Variants in FBN1 observed in about 807,000 individuals in gnomAD.
FBN1 encodes the protein fibrillin 1, also known as fibrillin-1.
A neutral mutation model predicts 365.1 loss-of-function variants in FBN1; 29 were observed. The ratio of observed to expected loss-of-function variants is 0.08; its 90% CI spans 0.06 to 0.11. The LOEUF (loss-of-function observed/expected upper bound fraction) is 0.11. FBN1 is among the 10% of genes least tolerant of loss of function. The pLI is 1.00. For synonymous variants in FBN1, 1,210 were observed against 1,270.5 expected, an observed-to-expected ratio of 0.95 and a Z score of 1.01; for missense variants, 2,476 against 3,703.2, an observed-to-expected ratio of 0.67 and a Z score of 8.60.
At chr15:48,584,083 G>T (rs748775208) in intron 6 of FBN1, among the ~76,000 whole-genome samples, 2 of 152,156 alleles carry the variant, frequency 1.3e-5, no homozygotes, top group African/African-American at 4.8e-5. Flanking sequence ...AATGATACTT[G>T]TCAACCAAGA....
intron 57 of FBN1, 48 bp from the exon 58 acceptor site, chr15:48,427,821 GCAAA>G: frequency 6.4e-7 from 1 of 1,559,000 alleles, no homozygotes; most frequent in East Asian, 2.3e-5. Context: ...AATTTTAAGA[GCAAA>G]CAAAATATTA....
At chr15:48,491,337 CTTTTTCTTTTTCTTTTCTT>C in intron 24 of FBN1, among the ~76,000 whole-genome samples, 1 of 151,210 alleles carries the variant, frequency 6.6e-6, no homozygotes, top group South Asian at 2.1e-4. Flanking sequence ...ATACCACTTT[CTTTTTCTTTTTCTTTTCTT>C]TTTTTTTTTT....
intron 63 of FBN1, among the ~76,000 whole-genome samples, chr15:48,418,128 A>C (rs1427337287): frequency 1.3e-5 from 2 of 152,236 alleles, no homozygotes; most frequent in African/African-American, 2.4e-5. Flanking sequence ...TTTTATAGCA[A>C]AAAAAGACAT....
chr15:48,570,338 CT>C (rs1426692370), intron 6 of FBN1, among the ~76,000 whole-genome samples: 8 of 152,038 alleles, frequency 5.3e-5, no homozygotes, highest in African/African-American at 1.9e-4. Flanking sequence ...AAATAAGATT[CT>C]TTACATAAAT....
At chr15:48,617,206 G>C (rs190708428) in intron 2 of FBN1, among the ~76,000 whole-genome samples, 1 of 151,512 alleles carries the variant, frequency 6.6e-6, no homozygotes, top group Non-Finnish European at 1.5e-5. Context: ...ATGGAGTCTC[G>C]CTCTGTCGCC....
At chr15:48,617,400 C>T (rs1013322365) in intron 2 of FBN1, among the ~76,000 whole-genome samples, 2 of 151,960 alleles carry the variant, frequency 1.3e-5, no homozygotes, top group African/African-American at 4.8e-5. Flanking sequence ...GTCTCGAACT[C>T]CTGACCTCGT....
intron 6 of FBN1, among the ~76,000 whole-genome samples, chr15:48,582,612 AC>A (rs1279462007): frequency 6.6e-6 from 1 of 152,218 alleles, no homozygotes; most frequent in Non-Finnish European, 1.5e-5. Context: ...CAAATGATTT[AC>A]TGAAGCCAGG....
At chr15:48,541,167 T>C (rs191116281) in intron 6 of FBN1, among the ~76,000 whole-genome samples, 115 of 152,176 alleles carry the variant, frequency 7.6e-4, no homozygotes, top group Admixed American at 1.6e-3. Context: ...CTTATTTCAA[T>C]ATGAAATACA....
intron 16 of FBN1, among the ~76,000 whole-genome samples, chr15:48,504,181 T>C (rs1228423278): frequency 3.3e-5 from 5 of 152,222 alleles, no homozygotes; most frequent in Non-Finnish European, 7.3e-5. Context: ...AGTATCATGG[T>C]TTACTAAAAT....
chr15:48,579,283 C>A (rs527923742), intron 6 of FBN1, among the ~76,000 whole-genome samples: 2 of 152,102 alleles, frequency 1.3e-5, no homozygotes, highest in South Asian at 2.1e-4. Flanking sequence ...CTTGACCCCC[C>A]AAAAAATAAA....
Position 48,474,244 on chromosome 15 carries a change from C to G in FBN1, c.4210+11G>C, listed in dbSNP as rs148057138. The G allele has an allele frequency of 1.2e-6, 2 of 1,614,004 alleles. No individual in the cohort carries two copies. The highest frequency in any genetic ancestry group is 1.7e-6 in the Non-Finnish European group (2 of 1,179,950). On this transcript the variant is annotated intron_variant, in intron 34 of 65. Transcript: ENST00000316623. Reference sequence around the variant, plus strand: ...CTAGTGTTGACACAGTTGTTTCCAGCGTGAACATACCTGTACAAGTGAAGC... The same window carrying G: ...CTAGTGTTGACACAGTTGTTTCCAGGGTGAACATACCTGTACAAGTGAAGC...
At chr15:48,504,946 G>A (rs866640700) in intron 16 of FBN1, 79 bp downstream of exon 16, 9 of 1,565,036 alleles carry the variant, frequency 5.8e-6, no homozygotes, top group Non-Finnish European at 2.6e-6. Context: ...CTACAGTAGA[G>A]AGCGTTTGTT....
chr15:48,615,168 A>G (rs1367419743), intron 2 of FBN1, among the ~76,000 whole-genome samples: 1 of 152,226 alleles, frequency 6.6e-6, no homozygotes, highest in Non-Finnish European at 1.5e-5. Context: ...CTCCAGCAAC[A>G]GCCCATTAGA....
chr15:48,520,882 C>G, intron 9 of FBN1, 65 bp from the exon 10 acceptor site: 2 of 1,605,170 alleles, frequency 1.2e-6, no homozygotes, highest in African/African-American at 1.3e-5. Flanking sequence ...CAACACTCCC[C>G]TGCCCGAGCA....
Position 48,489,874 on chromosome 15 carries a change from G to C in FBN1, c.3059C>G (p.Thr1020Arg). ...ACCTTTGAAGAAAGGCTTTCCATTT[G>C]TAATTTCTTTTGTGGCAAATCCGGG... is the stretch of plus-strand genomic sequence containing the variant. The part of the protein sequence containing the change: ...RGPGFATKEI[T>R]NGKPFFKDIN... Residue 1020 changes from threonine to arginine, a missense_variant, in exon 25 of 66, where the codon ACA becomes AGA. Physicochemically the swap from Thr to Arg is moderately conservative, Grantham distance 71. Around this residue, in one of 5 missense-constraint regions of FBN1, gnomAD observed 1,780 missense variants for 2,840.8 expected, o/e 0.63. Coordinates refer to ENST00000316623, the MANE Select transcript of FBN1 (RefSeq NM_000138.5). 1 of 1,614,126 alleles carries C rather than the reference G, an allele frequency of 6.2e-7. No individual in the cohort carries two copies. Among genetic ancestry groups the C allele is most frequent in the Non-Finnish European group, 8.5e-7 (1 of 1,179,988 alleles).
At chr15:48,495,660 C>T (rs920634077) in intron 20 of FBN1, 72 bp from the exon 21 acceptor site, 20 of 1,586,370 alleles carry the variant, frequency 1.3e-5, no homozygotes, top group Non-Finnish European at 1.6e-5. Flanking sequence ...CAACTTTGAC[C>T]CCAATTGCTA....
chr15:48,640,408 A>T (rs1322776520), intron 2 of FBN1, among the ~76,000 whole-genome samples: 5 of 152,184 alleles, frequency 3.3e-5, no homozygotes, highest in African/African-American at 7.2e-5. Context: ...CCCATATTTA[A>T]TTATTAGCCC....
intron 45 of FBN1, 74 bp from the exon 46 acceptor site, chr15:48,448,967 T>C (rs1233909212): frequency 2.2e-5 from 28 of 1,250,378 alleles, no homozygotes; most frequent in Non-Finnish European, 2.9e-5. Context: ...CTAGCTATCA[T>C]TCTCAGGAGT....
At chr15:48,525,174 C>T (rs532677110) in intron 9 of FBN1, among the ~76,000 whole-genome samples, 2 of 152,064 alleles carry the variant, frequency 1.3e-5, no homozygotes, top group African/African-American at 2.4e-5. Context: ...GGAACCTCCA[C>T]GTCCTGGCTT....
Sources: gnomAD v4.1 joint callset for allele counts (sites outside exome capture counted in the v4.1 genomes callset) on GRCh38, gnomAD v4.1.1 for gene constraint, gnomAD v4.1.1 regional missense constraint, MANE v1.5 for transcripts, NCBI Gene and HGNC (gene_info 2026-07-23, HGNC 2026-07-21) for gene names.